The following DOCK2 variants were observed in gnomAD, a reference collection of about 807,000 sequenced individuals.
DOCK2 encodes dedicator of cytokinesis protein 2.
In DOCK2, 87 loss-of-function variants were observed where a neutral mutation model predicts 248.9. The observed-to-expected ratio is 0.35, with a 90% CI of 0.29 to 0.42. The LOEUF (loss-of-function observed/expected upper bound fraction) is 0.42, where lower values mean the gene tolerates loss of function less well. DOCK2 is among the 10% of genes least tolerant of loss of function. The pLI is 1.00. For missense variants in DOCK2, 1,747 were observed against 2,300.2 expected, an observed-to-expected ratio of 0.76 and a Z score of 4.92; for synonymous variants, 805 against 821.6, an observed-to-expected ratio of 0.98 and a Z score of 0.35.
At chr5:169,896,489 T>C (rs1372290943) in intron 27 of DOCK2, among the ~76,000 whole-genome samples, 2 of 152,216 alleles carry the variant, frequency 1.3e-5, no homozygotes, top group Non-Finnish European at 2.9e-5. Context: ...ATGTGGCTAA[T>C]AATATTACTT....
chr5:169,799,432 A>G (rs558001056), intron 25 of DOCK2, among the ~76,000 whole-genome samples: 20 of 152,330 alleles, frequency 1.3e-4, no homozygotes, highest in African/African-American at 4.8e-4. Flanking sequence ...ACCACTTCAG[A>G]TGAACTCACC....
chr5:169,857,183 C>T (rs1260487031), intron 27 of DOCK2, among the ~76,000 whole-genome samples: 1 of 152,144 alleles, frequency 6.6e-6, no homozygotes, highest in Admixed American at 6.5e-5. Context: ...GTAATAAATT[C>T]TGGCATTTTA....
intron 27 of DOCK2, among the ~76,000 whole-genome samples, chr5:169,930,624 G>T (rs946300573): frequency 6.6e-6 from 1 of 152,282 alleles, no homozygotes; most frequent in South Asian, 2.1e-4. Context: ...GCAAAATAAC[G>T]GTAGACAAGG....
At chr5:169,654,019 A>G (rs1372969450) in intron 1 of DOCK2, among the ~76,000 whole-genome samples, 5 of 152,220 alleles carry the variant, frequency 3.3e-5, no homozygotes, top group Non-Finnish European at 5.9e-5. Context: ...CCTACCTGGT[A>G]TAGCACCTCA....
Position 169,803,504 on chromosome 5 carries a change from A to G in DOCK2, c.2703+298A>G, listed in dbSNP as rs114512660. ...TGGCTTGTCCACGTACTCACGCCCT[A>G]GTTTGCAGGGGTGGGAGGAGGAGTT... is the stretch of plus-strand genomic sequence containing the variant. On this transcript the variant is annotated intron_variant, in intron 26 of 51. Coordinates refer to ENST00000520908, the MANE Select transcript of DOCK2 (RefSeq NM_004946.3). 5.9e-3 allele frequency among the ~76,000 whole-genome samples: 903 copies of G among 152,288 alleles called. 3 individuals carry two copies. The highest frequency in any genetic ancestry group is 0.01 in the Non-Finnish European group (682 of 68,020).
chr5:169,944,792 A>C (rs1316572600), intron 27 of DOCK2, among the ~76,000 whole-genome samples: 2 of 152,308 alleles, frequency 1.3e-5, no homozygotes, highest in Middle Eastern at 3.4e-3. Context: ...GTTGTCTGTG[A>C]TGATCGGAAA....
At chr5:169,849,548 CAT>C (rs1267725294) in intron 27 of DOCK2, among the ~76,000 whole-genome samples, 1 of 152,224 alleles carries the variant, frequency 6.6e-6, no homozygotes, top group Non-Finnish European at 1.5e-5. Flanking sequence ...CTTTCAGAAA[CAT>C]AAAATGGCAC....
chr5:169,675,086 A>G lies in DOCK2; in HGVS notation c.470+641A>G, dbSNP rs185539912. On this transcript the variant is annotated intron_variant, in intron 6 of 51. Coordinates refer to ENST00000520908, the MANE Select transcript of DOCK2 (RefSeq NM_004946.3). ...TTTAATTCTTATAATAACTCTATGG[A>G]GTATGCAGTTTGATTATCCCCACTT... 3.5e-3 allele frequency among the ~76,000 whole-genome samples: 533 copies of G among 152,312 alleles called. 3 individuals carry two copies. Among genetic ancestry groups the G allele is most frequent in the African/African-American group, 0.012 (504 of 41,556 alleles).
chr5:169,685,538 G>A (rs1490619412), intron 8 of DOCK2, among the ~76,000 whole-genome samples: 3 of 152,186 alleles, frequency 2.0e-5, no homozygotes, highest in South Asian at 4.1e-4. Flanking sequence ...TTAAGTTTTT[G>A]TAGAGGCACA....
At chr5:169,885,264 C>T (rs550003579) in intron 27 of DOCK2, among the ~76,000 whole-genome samples, 36 of 152,270 alleles carry the variant, frequency 2.4e-4, no homozygotes, top group South Asian at 4.1e-4. Flanking sequence ...CTGTAGACTC[C>T]GGAGGGCAGA....
intron 27 of DOCK2, among the ~76,000 whole-genome samples, chr5:169,968,747 G>A (rs1315972325): frequency 1.3e-5 from 2 of 152,194 alleles, no homozygotes; most frequent in African/African-American, 4.8e-5. Flanking sequence ...ACTTGATGCT[G>A]TGTTAATGGT....
chr5:169,876,643 A>G (rs908370014), intron 27 of DOCK2, among the ~76,000 whole-genome samples: 1 of 152,254 alleles, frequency 6.6e-6, no homozygotes, highest in Non-Finnish European at 1.5e-5. Flanking sequence ...GTGGCATTCC[A>G]GTTATTTTGA....
intron 44 of DOCK2, among the ~76,000 whole-genome samples, chr5:170,061,025 A>G (rs1757310160): frequency 6.6e-6 from 1 of 151,624 alleles, no homozygotes; most frequent in African/African-American, 2.4e-5. Context: ...GCAAGACTCC[A>G]TCTAAAAAAA....
chr5:169,892,878 C>T (rs1773377799), intron 27 of DOCK2, among the ~76,000 whole-genome samples: 1 of 151,918 alleles, frequency 6.6e-6, no homozygotes, highest in Admixed American at 6.6e-5. Flanking sequence ...TTGTGTTTCC[C>T]TCTGTCTTCA....
At chr5:169,715,858 C>T (rs1761879960) in intron 19 of DOCK2, among the ~76,000 whole-genome samples, 1 of 152,124 alleles carries the variant, frequency 6.6e-6, no homozygotes, top group South Asian at 2.1e-4. Flanking sequence ...TCTCAAATTT[C>T]ATAAGAATGG....
At chr5:169,743,312 C>T (rs556055928) in intron 22 of DOCK2, among the ~76,000 whole-genome samples, 1 of 152,272 alleles carries the variant, frequency 6.6e-6, no homozygotes, top group East Asian at 1.9e-4. Context: ...TGGCTTGTGC[C>T]TGTCATCCCA....
chr5:169,777,489 C>G (rs1055416272), intron 25 of DOCK2, among the ~76,000 whole-genome samples: 2 of 152,132 alleles, frequency 1.3e-5, no homozygotes, highest in African/African-American at 4.8e-5. Flanking sequence ...AGAGGGGAGC[C>G]AATTATCCAA....
chr5:169,751,059 G>C (rs758040173), intron 23 of DOCK2, among the ~76,000 whole-genome samples: 1 of 152,130 alleles, frequency 6.6e-6, no homozygotes, highest in Non-Finnish European at 1.5e-5. Flanking sequence ...GTAATTTAGG[G>C]GATTATTGAG....
rs781142067 is a variant in DOCK2 at position 170,041,099 on chromosome 5, A to G, written c.3710A>G (p.Tyr1237Cys). Reference sequence around the variant, plus strand: ...GATCTTCACCTGGACTGTGACAATTACACAGAGGCTGCCTACACGCTCCTT... The same window carrying G: ...GATCTTCACCTGGACTGTGACAATTGCACAGAGGCTGCCTACACGCTCCTT... The part of the protein sequence containing the change: ...LRDLHLDCDN[Y>C]TEAAYTLLLH... Residue 1237 changes from tyrosine to cysteine, a missense_variant, in exon 37 of 52, where the codon TAC (tyrosine) becomes TGC (cysteine). This residue lies in a region of DOCK2 where 858 missense variants were observed against 1,183.5 expected (regional missense o/e 0.72). Coordinates refer to ENST00000520908, the MANE Select transcript of DOCK2 (RefSeq NM_004946.3). 2 of 1,614,120 alleles carry G rather than the reference A, an allele frequency of 1.2e-6. No individual in the cohort carries two copies. The highest frequency in any genetic ancestry group is 1.7e-6 in the Non-Finnish European group (2 of 1,180,008).
Sources: allele counts gnomAD v4.1 joint callset (sites outside exome capture counted in the v4.1 genomes callset), GRCh38; gene constraint gnomAD v4.1.1; regional missense constraint gnomAD v4.1.1; transcripts MANE v1.5; gene names NCBI Gene and HGNC (gene_info 2026-07-23, HGNC 2026-07-21).